ACOX1: variants seen among roughly 807,000 people sequenced by gnomAD.
ACOX1 encodes acyl-CoA oxidase 1, also known as peroxisomal acyl-coenzyme A oxidase 1.
A neutral mutation model predicts 75.5 loss-of-function variants in ACOX1; 41 were observed. That is an observed-to-expected ratio of 0.54 (90% CI 0.42 to 0.70). The LOEUF is 0.70. Ranked by LOEUF, ACOX1 falls within the 30% of genes least tolerant of loss-of-function variation. The pLI is 0.00. For missense variants in ACOX1, 630 were observed against 837.5 expected (o/e 0.75, Z 3.06); for synonymous variants, 303 against 298.8 (o/e 1.01, Z -0.15).
chr17:75,958,535 A>T lies in ACOX1; in HGVS notation c.431-969T>A, dbSNP rs138323537. On this transcript the variant is annotated intron_variant, in intron 3 of 13. Coordinates refer to ENST00000293217, the MANE Select transcript of ACOX1 (RefSeq NM_004035.7). ...AACAACAAAAAAATTAAAGCTGGGC[A>T]CGGTGGCTCACGCCTGTAATCCCAG... 4.1e-3 allele frequency among the ~76,000 whole-genome samples: 605 copies of T among 145,906 alleles called. 21 individuals are homozygous for T. The highest frequency in any genetic ancestry group is 0.014 in the African/African-American group (566 of 39,464).
At position 75,951,630 on chromosome 17, in the gene ACOX1, T is replaced by G; in HGVS notation, c.945-53A>C. 2.5e-6 allele frequency: 4 copies of G among 1,578,374 alleles called. No individual in the cohort carries two copies. In the South Asian group the frequency reaches 4.5e-5, roughly 18 times the overall value. On this transcript the variant is annotated intron_variant, in intron 7 of 13. Transcript: ENST00000293217. ...TAGTAAGTAAATGTTTATACAGAACTTTCTATATGCCAGGTTCTAATCTAA... is the reference window on the plus strand; with the variant it reads ...TAGTAAGTAAATGTTTATACAGAACGTTCTATATGCCAGGTTCTAATCTAA...
rs1218500623 is a variant in ACOX1, at chr17:75,945,790, A to G, written c.*958T>C. The stretch of plus-strand genomic sequence containing the variant: ...TGTTTTTGTTTTTTCCCAGTTGTTA[A>G]AAAAAAAACAACTCACAGTTTCAAT... On this transcript the variant is annotated 3_prime_UTR_variant, in exon 14 of 14. Coordinates refer to ENST00000293217, the MANE Select transcript of ACOX1 (RefSeq NM_004035.7). 2 of 152,374 alleles carry G rather than the reference A, an allele frequency of 1.3e-5. No homozygotes were observed. Among genetic ancestry groups the G allele is most frequent in the African/African-American group, 4.9e-5 (2 of 41,220 alleles). The allele number at this position is 152,374 out of a possible 1,614,324, so 9.4% of individuals were successfully genotyped here.
intron 12 of ACOX1, 101 bp from the exon 13 acceptor site, chr17:75,948,558 C>CA (rs2065743772): frequency 1.2e-6 from 1 of 849,454 alleles, no homozygotes; most frequent in Non-Finnish European, 1.7e-6. Context: ...TTATTTTTTT[C>CA]TTTTTTTTTT....
chr17:75,948,176 C>T, intron 13 of ACOX1, 75 bp downstream of exon 13: 2 of 1,463,510 alleles, frequency 1.4e-6, no homozygotes, highest in Non-Finnish European at 1.9e-6. Context: ...CAGATAAATC[C>T]CCTTCGAGAG....
intron 7 of ACOX1, among the ~76,000 whole-genome samples, chr17:75,952,390 G>A (rs1210637544): frequency 2.0e-5 from 3 of 151,542 alleles, no homozygotes; most frequent in Non-Finnish European, 4.4e-5. Flanking sequence ...CACTTCCTGG[G>A]TTCAAGTGAT....
At chr17:75,975,404 C>A (rs1022296544) in intron 2 of ACOX1, among the ~76,000 whole-genome samples, 1 of 152,084 alleles carries the variant, frequency 6.6e-6, no homozygotes, top group African/African-American at 2.4e-5. Flanking sequence ...AGTGATCTGC[C>A]CACCTCAGCC....
In ACOX1 at chr17:75,953,636, G is replaced by C; in HGVS notation, c.775-16C>G. The C allele has an allele frequency of 6.2e-7, 1 of 1,613,710 alleles. No homozygotes were observed. Among genetic ancestry groups the C allele is most frequent in the Non-Finnish European group, 8.5e-7 (1 of 1,179,736 alleles). On this transcript the variant is annotated splice_polypyrimidine_tract_variant and intron_variant, in intron 6 of 13. Coordinates refer to ENST00000293217, the MANE Select transcript of ACOX1 (RefSeq NM_004035.7). ...CAGGCTTCACCTGGAAGAAGAACGT[G>C]GAACTGATACTTCCTTCTTTTAAGC...
chr17:75,945,708 A>G lies in ACOX1; in HGVS notation c.*1040T>C, dbSNP rs2065713748. Reference sequence around the variant, plus strand: ...CTAGAAATAGACTGAAAACAAAGCCATACATAGAGTAAGAAATAGAACCTA... The same window carrying G: ...CTAGAAATAGACTGAAAACAAAGCCGTACATAGAGTAAGAAATAGAACCTA... On this transcript the variant is annotated 3_prime_UTR_variant, in exon 14 of 14. Coordinates refer to ENST00000293217, the MANE Select transcript of ACOX1 (RefSeq NM_004035.7). 6.5e-6 allele frequency: 1 copy of G among 153,792 alleles called. No homozygotes were observed. The highest frequency in any genetic ancestry group is 2.4e-5 in the African/African-American group (1 of 41,470). 9.5% of individuals were successfully genotyped at this position (153,792 alleles called of 1,614,324 possible).
intron 3 of ACOX1, among the ~76,000 whole-genome samples, chr17:75,959,237 G>A (rs1007983163): frequency 2.0e-5 from 3 of 152,156 alleles, no homozygotes; most frequent in Admixed American, 1.3e-4. Context: ...CAACTTTCCC[G>A]AGTGGGAGTC....
rs2065767607 is a variant in ACOX1, at chr17:75,950,851, A to G, written c.1221T>C (p.Leu407=). The G allele has an allele frequency of 6.2e-7, 1 of 1,614,012 alleles. No homozygotes were observed. Among genetic ancestry groups the G allele is most frequent in the Non-Finnish European group, 8.5e-7 (1 of 1,180,040 alleles). The part of the protein sequence containing the change: ...GGHGYSHCSG[L]PNIYVNFTPS... ...GGGTGAAATTGACATAAATATTTGGAAGACCACTGCAATGAGAATAGCCAT... is the reference window on the plus strand; with the variant it reads ...GGGTGAAATTGACATAAATATTTGGGAGACCACTGCAATGAGAATAGCCAT... Residue 407 remains leucine (L), a synonymous_variant, in exon 9 of 14, where the codon CTT becomes CTC. Transcript: ENST00000293217. The surrounding 1 kb of genome is among the most constrained non-coding windows in gnomAD (Gnocchi z 4.3).
At chr17:75,977,216 G>T (rs529807871) in intron 2 of ACOX1, among the ~76,000 whole-genome samples, 1 of 151,512 alleles carries the variant, frequency 6.6e-6, no homozygotes, top group Admixed American at 6.6e-5. Context: ...GGCTGGTCTC[G>T]AGCTCCTGGC....
intron 2 of ACOX1, among the ~76,000 whole-genome samples, chr17:75,967,619 CAT>C (rs147825726): frequency 0.15 from 20,164 of 131,132 alleles, 2,127 homozygotes; most frequent in African/African-American, 0.34. Context: ...TATATACATA[CAT>C]ATATATATAC....
chr17:75,948,038 C>T (rs2065738018), intron 13 of ACOX1, among the ~76,000 whole-genome samples: 1 of 151,984 alleles, frequency 6.6e-6, no homozygotes, highest in Non-Finnish European at 1.5e-5. Context: ...TTTAAATGTT[C>T]AATTCGTTAT....
At chr17:75,951,061 G>T in intron 8 of ACOX1, 97 bp from the exon 9 acceptor site, 1 of 1,286,398 alleles carries the variant, frequency 7.8e-7, no homozygotes, top group Non-Finnish European at 1.1e-6. Context: ...CTTGGCCACT[G>T]TCAAAACACA....
intron 2 of ACOX1, among the ~76,000 whole-genome samples, chr17:75,968,791 G>A (rs1408072116): frequency 6.6e-6 from 1 of 151,106 alleles, no homozygotes; most frequent in Admixed American, 6.6e-5. Flanking sequence ...GCGTGGTGGC[G>A]CATGCCTGTA....
Position 75,960,464 on chromosome 17 carries a change from CA to C in ACOX1, c.270-90del. On this transcript the variant is annotated intron_variant, in intron 2 of 13. Coordinates refer to ENST00000293217, the MANE Select transcript of ACOX1 (RefSeq NM_004035.7). This position sits in a 1 kb window ranked among gnomAD's most constrained non-coding sequence, Gnocchi z 4.4. The stretch of plus-strand genomic sequence containing the variant: ...ATTTAAATAGAGCAAGGGAAGGAGA[CA>C]AAAAAACCTTAAGTATGAATTAGTT... 9 of 1,380,024 alleles carry C rather than the reference CA, an allele frequency of 6.5e-6. No individual in the cohort carries two copies. In the Admixed American group the frequency reaches 9.8e-5, roughly 15 times the overall value. The allele number at this position is 1,380,024 out of a possible 1,614,324, so 85.5% of individuals were successfully genotyped here.
intron 2 of ACOX1, among the ~76,000 whole-genome samples, chr17:75,974,992 G>C (rs956768316): frequency 1.0e-3 from 144 of 139,986 alleles, no homozygotes; most frequent in Non-Finnish European, 6.7e-4. Flanking sequence ...GGAGCTTGTA[G>C]TGAGCCGAGA....
At chr17:75,951,036 C>A (rs536247172) in intron 8 of ACOX1, 72 bp from the exon 9 acceptor site, 3 of 1,468,356 alleles carry the variant, frequency 2.0e-6, no homozygotes, top group South Asian at 1.2e-5. Flanking sequence ...AGAAAACACA[C>A]CCCTCCTCTA....
In ACOX1 at chr17:75,960,065, T is replaced by C; in HGVS notation, c.430+150A>G. 1 of 913,054 alleles carries C rather than the reference T, an allele frequency of 1.1e-6. No individual in the cohort carries two copies. Among genetic ancestry groups the C allele is most frequent in the Non-Finnish European group, 1.7e-6 (1 of 599,046 alleles). 56.6% of individuals were successfully genotyped at this position (913,054 alleles called of 1,614,324 possible). ...TTAATTCCCACTCACCAAAGCAGTG[T>C]TTATACCAAAACCTGGACTCTGCAG... is the stretch of plus-strand genomic sequence containing the variant. On this transcript the variant is annotated intron_variant, in intron 3 of 13. Transcript: ENST00000293217. This position sits in a 1 kb window ranked among gnomAD's most constrained non-coding sequence, Gnocchi z 4.4.
Sources: allele counts gnomAD v4.1 joint callset (sites outside exome capture counted in the v4.1 genomes callset), GRCh38; gene constraint gnomAD v4.1.1; non-coding constraint Gnocchi (gnomAD v3.1); transcripts MANE v1.5; gene names NCBI Gene and HGNC (gene_info 2026-07-23, HGNC 2026-07-21).